Variants in RAD23B observed in about 807,000 individuals in gnomAD.
The protein encoded by RAD23B is RAD23 nucleotide excision repair protein B.
A neutral mutation model predicts 49.1 loss-of-function variants in RAD23B; 5 were observed. The observed-to-expected ratio is 0.10, with a 90% CI of 0.05 to 0.21. The LOEUF (loss-of-function observed/expected upper bound fraction) is 0.21, where lower values mean the gene tolerates loss of function less well. RAD23B is among the 10% of genes least tolerant of loss of function. The probability of loss-of-function intolerance (pLI) is 1.00; values close to 1 mark genes in which losing one functional copy is unlikely to be tolerated. For missense variants in RAD23B, 356 were observed against 486.7 expected (o/e 0.73, Z 2.53); for synonymous variants, 184 against 165.4 (o/e 1.11, Z -0.86).
At chr9:107,313,885 CTGTCCTCTCTCCTT>C (rs1288204634) in intron 5 of RAD23B, among the ~76,000 whole-genome samples, 4 of 145,656 alleles carry the variant, frequency 2.7e-5, no homozygotes, top group Admixed American at 1.3e-4. Flanking sequence ...CCTCTCTCCT[CTGTCCTCTCTCCTT>C]TCTCCTTTCC....
intron 1 of RAD23B, among the ~76,000 whole-genome samples, chr9:107,288,336 A>G (rs1392338320): frequency 6.6e-6 from 1 of 152,232 alleles, no homozygotes; most frequent in Admixed American, 6.5e-5. Context: ...AGTGGGATAA[A>G]ACTGTCAAAA....
intron 1 of RAD23B, chr9:107,284,004 G>A (rs1234335075): frequency 1.2e-5 from 13 of 1,090,060 alleles, no homozygotes; most frequent in Non-Finnish European, 1.2e-5. Flanking sequence ...GGATGGGAAG[G>A]TCCAGGCCGT....
At chr9:107,308,453 A>G (rs956666264) in intron 4 of RAD23B, among the ~76,000 whole-genome samples, 1 of 152,140 alleles carries the variant, frequency 6.6e-6, no homozygotes, top group South Asian at 2.1e-4. Flanking sequence ...TCCTGACCTC[A>G]GGTGATCTGC....
chr9:107,313,391 A>G (rs1826928363), intron 5 of RAD23B, among the ~76,000 whole-genome samples: 1 of 151,958 alleles, frequency 6.6e-6, no homozygotes, highest in Admixed American at 6.6e-5. Flanking sequence ...ACGCCCGACT[A>G]ATTTTGTGTA....
At chr9:107,304,411 C>T (rs564260832) in intron 3 of RAD23B, among the ~76,000 whole-genome samples, 21 of 152,130 alleles carry the variant, frequency 1.4e-4, no homozygotes, top group African/African-American at 5.1e-4. Flanking sequence ...AACTGAAGAT[C>T]CAGAATGATC....
intron 3 of RAD23B, among the ~76,000 whole-genome samples, chr9:107,302,903 G>A (rs1047459920): frequency 1.3e-5 from 2 of 152,060 alleles, no homozygotes; most frequent in African/African-American, 2.4e-5. Flanking sequence ...TGATCCGCCC[G>A]CCTCGGCCTC....
At chr9:107,284,347 G>A (rs531811771) in intron 1 of RAD23B, among the ~76,000 whole-genome samples, 5 of 152,180 alleles carry the variant, frequency 3.3e-5, no homozygotes, top group South Asian at 4.2e-4. Context: ...AGCTGTTAGA[G>A]CTCTTCACAG....
At chr9:107,328,637 T>C (rs879912577) in intron 9 of RAD23B, among the ~76,000 whole-genome samples, 13 of 152,080 alleles carry the variant, frequency 8.5e-5, no homozygotes, top group Non-Finnish European at 1.8e-4. Context: ...AAGCTTCACT[T>C]GTTCGCCCAC....
At position 107,300,128 on chromosome 9, in the gene RAD23B, A is replaced by AT. The variant is rs751365217; in HGVS notation, c.67-8dup. 1 of 1,588,856 alleles carries AT rather than the reference A, an allele frequency of 6.3e-7. No homozygotes were observed. Among genetic ancestry groups the AT allele is most frequent in the Non-Finnish European group, 8.5e-7 (1 of 1,171,464 alleles). On this transcript the variant is annotated splice_polypyrimidine_tract_variant and intron_variant, in intron 1 of 9. Coordinates refer to ENST00000358015, the MANE Select transcript of RAD23B (RefSeq NM_002874.5). The stretch of plus-strand genomic sequence containing the variant: ...TAGACTTTTTCCAAAACAAATCTTT[A>AT]TTTTTCCTATAGGTGAAAGCACTGA...
At position 107,289,596 on chromosome 9, in the gene RAD23B, G is replaced by T. The variant is rs941185478; in HGVS notation, c.66+5901G>T. On this transcript the variant is annotated intron_variant, in intron 1 of 9. Coordinates refer to ENST00000358015, the MANE Select transcript of RAD23B (RefSeq NM_002874.5). ...GCTTGTGCAGTAGTTTTAAGTAATTGCAGCTTGAACCAGGGCAGTAGGAGT... is the reference window on the plus strand; with the variant it reads ...GCTTGTGCAGTAGTTTTAAGTAATTTCAGCTTGAACCAGGGCAGTAGGAGT... Among the ~76,000 whole-genome samples the T allele has an allele frequency of 6.6e-5, 10 of 152,148 alleles. No individual in the cohort carries two copies. In the South Asian group the frequency reaches 2.1e-3, roughly 32 times the overall value.
intron 3 of RAD23B, among the ~76,000 whole-genome samples, chr9:107,303,416 C>A (rs998789778): frequency 6.6e-6 from 1 of 152,040 alleles, no homozygotes; most frequent in Non-Finnish European, 1.5e-5. Flanking sequence ...CATTAAGAAC[C>A]ATGTTGATTT....
chr9:107,316,453 G>A (rs1826998711), intron 5 of RAD23B, among the ~76,000 whole-genome samples: 1 of 152,164 alleles, frequency 6.6e-6, no homozygotes, highest in Admixed American at 6.5e-5. Flanking sequence ...TTTGTAGCTC[G>A]TAATTTCGTT....
chr9:107,288,506 C>T (rs576841176), intron 1 of RAD23B, among the ~76,000 whole-genome samples: 14 of 152,258 alleles, frequency 9.2e-5, no homozygotes, highest in South Asian at 2.1e-4. Flanking sequence ...AGTGCAGTGG[C>T]GCCATCTTGG....
chr9:107,309,801 G>A (rs1826852797), intron 4 of RAD23B, among the ~76,000 whole-genome samples: 1 of 151,938 alleles, frequency 6.6e-6, no homozygotes, highest in Admixed American at 6.6e-5. Flanking sequence ...CGTGGTGGCG[G>A]GCGCCTGTAG....
rs376878974 is a variant in RAD23B, at chr9:107,306,389, T to G, written c.239T>G (p.Val80Gly). 2.9e-5 allele frequency: 47 copies of G among 1,613,556 alleles called. No individual in the cohort carries two copies. Among genetic ancestry groups the G allele is most frequent in the Non-Finnish European group, 3.6e-5 (42 of 1,179,668 alleles). The change falls in exon 4 of 10, where the codon GTG (valine) becomes GGG (glycine). Residue 80 changes from valine (V) to glycine (G), a missense_variant. By Grantham distance (109) the Val-to-Gly change is moderately radical. Around this residue, in one of 5 missense-constraint regions of RAD23B, gnomAD observed 137 missense variants for 122.0 expected, o/e 1.12. Coordinates refer to ENST00000358015, the MANE Select transcript of RAD23B (RefSeq NM_002874.5). ...VVVMVTKPKAVSTPAPATTQQ... is the reference protein window; with the variant it reads ...VVVMVTKPKAGSTPAPATTQQ... ...TTTTAATGTGTTTAGCCCAAAGCAGTGTCCACACCAGCACCAGCTACAACT... is the reference window on the plus strand; with the variant it reads ...TTTTAATGTGTTTAGCCCAAAGCAGGGTCCACACCAGCACCAGCTACAACT...
chr9:107,314,387 C>G (rs1431096962), intron 5 of RAD23B, among the ~76,000 whole-genome samples: 2 of 152,146 alleles, frequency 1.3e-5, no homozygotes, highest in African/African-American at 4.8e-5. Flanking sequence ...TGTTATTCCA[C>G]TCTATATGAT....
chr9:107,288,950 C>T (rs1319933138), intron 1 of RAD23B, among the ~76,000 whole-genome samples: 1 of 151,960 alleles, frequency 6.6e-6, no homozygotes, highest in Non-Finnish European at 1.5e-5. Context: ...TAGGGGTTTT[C>T]AGGGTAAACT....
At chr9:107,302,738 C>T (rs375297045) in intron 3 of RAD23B, among the ~76,000 whole-genome samples, 6 of 151,148 alleles carry the variant, frequency 4.0e-5, no homozygotes, top group East Asian at 3.9e-4. Context: ...TCACTACAAG[C>T]TCTGTCTCCC....
chr9:107,318,338 A>G lies in RAD23B; in HGVS notation c.554-414A>G, dbSNP rs147557470. On this transcript the variant is annotated intron_variant, in intron 5 of 9. Coordinates refer to ENST00000358015, the MANE Select transcript of RAD23B (RefSeq NM_002874.5). The surrounding 1 kb of genome is among the most constrained non-coding windows in gnomAD (Gnocchi z 4.3). ...GCCCCTTTCTGCATCTTCAAAGGCA[A>G]CAGCATAACATCTCTCATCCTGGTT... Among the ~76,000 whole-genome samples, 72 of 152,256 alleles carry G rather than the reference A, an allele frequency of 4.7e-4. No individual in the cohort carries two copies. In the East Asian group the frequency reaches 0.013, roughly 28 times the overall value.
Sources: gnomAD v4.1 joint callset for allele counts (sites outside exome capture counted in the v4.1 genomes callset) on GRCh38, gnomAD v4.1.1 for gene constraint, gnomAD v4.1.1 regional missense constraint, Gnocchi (gnomAD v3.1) non-coding constraint, MANE v1.5 for transcripts, NCBI Gene and HGNC (gene_info 2026-07-23, HGNC 2026-07-21) for gene names.